SRBD1: variants seen among roughly 807,000 people sequenced by gnomAD.
The protein encoded by SRBD1 is S1 RNA binding domain 1, also known as S1 RNA-binding domain-containing protein 1.
Under a neutral mutation model 115.3 loss-of-function variants are expected in SRBD1, and 88 were observed. The ratio of observed to expected loss-of-function variants is 0.76; its 90% CI spans 0.64 to 0.91. The LOEUF is 0.91. Ranked by LOEUF, SRBD1 falls within the 40% of genes least tolerant of loss-of-function variation. The pLI, the probability that SRBD1 is intolerant of heterozygous loss-of-function variation, is 0.00. For missense variants in SRBD1, 1,385 were observed against 1,177.4 expected (o/e 1.18, Z -2.58); for synonymous variants, 509 against 407.7 (o/e 1.25, Z -2.99).
chr2:45,608,412 A>C (rs1674339694), intron 1 of SRBD1, among the ~76,000 whole-genome samples: 2 of 152,238 alleles, frequency 1.3e-5, no homozygotes, highest in South Asian at 4.1e-4. Context: ...TTATGTCTTT[A>C]AAACTACCTA....
chr2:45,531,100 A>G (rs1455607000), intron 14 of SRBD1, among the ~76,000 whole-genome samples: 1 of 151,844 alleles, frequency 6.6e-6, no homozygotes, highest in Non-Finnish European at 1.5e-5. Context: ...CTCATTCTAT[A>G]CTGATGGTTA....
At chr2:45,477,891 C>T (rs1448703915) in intron 15 of SRBD1, among the ~76,000 whole-genome samples, 1 of 152,044 alleles carries the variant, frequency 6.6e-6, no homozygotes, top group Non-Finnish European at 1.5e-5. Flanking sequence ...ACAATCCATG[C>T]TCAAGAAACT....
At chr2:45,421,280 G>T (rs59089771) in intron 16 of SRBD1, among the ~76,000 whole-genome samples, 7,173 of 151,906 alleles carry the variant, frequency 0.047, 571 homozygotes, top group African/African-American at 0.16. Flanking sequence ...GGCCGAGGTG[G>T]GCGGATCACG....
intron 16 of SRBD1, among the ~76,000 whole-genome samples, chr2:45,465,428 G>C (rs1367920257): frequency 1.3e-5 from 2 of 151,758 alleles, no homozygotes; most frequent in African/African-American, 4.8e-5. Context: ...ATATATAAAT[G>C]CACACACAGA....
At chr2:45,514,141 A>C (rs998731344) in intron 14 of SRBD1, among the ~76,000 whole-genome samples, 4 of 152,198 alleles carry the variant, frequency 2.6e-5, no homozygotes, top group Admixed American at 6.5e-5. Context: ...ATGGGATATG[A>C]TTACGAAAAG....
intron 10 of SRBD1, among the ~76,000 whole-genome samples, chr2:45,557,307 G>A (rs560283330): frequency 6.6e-6 from 1 of 152,314 alleles, no homozygotes; most frequent in Admixed American, 6.5e-5. Flanking sequence ...TTAGAGGTAG[G>A]AAGACCCTAA....
rs1674238272 is a variant in SRBD1 at position 45,605,459 on chromosome 2, T to C, written c.1-18A>G. On this transcript the variant is annotated intron_variant, in intron 1 of 20. Transcript: ENST00000263736. The stretch of plus-strand genomic sequence containing the variant: ...GATGACATCTAGAAGAAACAGAAAA[T>C]AAAATCAGCAACACTTGAATATTCT... 1.2e-6 allele frequency: 2 copies of C among 1,607,544 alleles called. No individual in the cohort carries two copies. The highest frequency in any genetic ancestry group is 1.3e-5 in the African/African-American group (1 of 74,780).
chr2:45,485,003 C>A (rs1670074834), intron 15 of SRBD1, among the ~76,000 whole-genome samples: 1 of 152,104 alleles, frequency 6.6e-6, no homozygotes, highest in South Asian at 2.1e-4. Flanking sequence ...TGAGTTGTTT[C>A]CAACTTTTAG....
At chr2:45,448,107 G>C (rs1043183434) in intron 16 of SRBD1, 2 of 152,080 alleles carry the variant, frequency 1.3e-5, no homozygotes, top group Admixed American at 6.6e-5. Context: ...ACTGGTTAAA[G>C]ACTTCCAGAG....
intron 19 of SRBD1, among the ~76,000 whole-genome samples, chr2:45,410,639 T>C (rs1252260261): frequency 6.6e-6 from 1 of 152,186 alleles, no homozygotes; most frequent in Non-Finnish European, 1.5e-5. Flanking sequence ...GGATAGGGGA[T>C]GGTCACCAGA....
intron 15 of SRBD1, among the ~76,000 whole-genome samples, chr2:45,482,111 T>C (rs1669984217): frequency 6.6e-6 from 1 of 152,170 alleles, no homozygotes; most frequent in South Asian, 2.1e-4. Context: ...TTTTATGTTA[T>C]GTAAATTATA....
chr2:45,533,640 G>C (rs548178655), intron 14 of SRBD1, among the ~76,000 whole-genome samples: 2 of 152,038 alleles, frequency 1.3e-5, no homozygotes, highest in South Asian at 2.1e-4. Context: ...ATCTAGGAGT[G>C]TAAAACTGTA....
chr2:45,486,465 C>T (rs1416577530), intron 15 of SRBD1, among the ~76,000 whole-genome samples: 2 of 152,040 alleles, frequency 1.3e-5, no homozygotes, highest in Non-Finnish European at 2.9e-5. Flanking sequence ...CGGTGGCTCA[C>T]GCCTGTAATC....
chr2:45,458,156 A>G (rs1348439211), intron 16 of SRBD1, among the ~76,000 whole-genome samples: 3 of 152,100 alleles, frequency 2.0e-5, no homozygotes, highest in Admixed American at 6.6e-5. Context: ...AAAATAAAAA[A>G]TTTTGGCACT....
At chr2:45,491,068 C>A (rs543481732) in intron 14 of SRBD1, among the ~76,000 whole-genome samples, 1 of 152,188 alleles carries the variant, frequency 6.6e-6, no homozygotes. Context: ...TGAAACAAAT[C>A]AAACTGGGAG....
intron 14 of SRBD1, among the ~76,000 whole-genome samples, chr2:45,509,367 C>A (rs527429060): frequency 6.6e-6 from 1 of 152,084 alleles, no homozygotes; most frequent in South Asian, 2.1e-4. Context: ...GAGGCCGAGG[C>A]GGGCGGATCA....
intron 4 of SRBD1, among the ~76,000 whole-genome samples, chr2:45,586,689 C>A (rs72618610): frequency 0.043 from 6,475 of 151,448 alleles, 221 homozygotes; most frequent in East Asian, 0.13. Flanking sequence ...GGACTACAAG[C>A]CACGCCATCA....
Position 45,551,361 on chromosome 2 carries a change from A to G in SRBD1, c.1518-79T>C. 3 of 1,350,102 alleles carry G rather than the reference A, an allele frequency of 2.2e-6. No homozygotes were observed. The South Asian group carries it at 4.1e-5, about 19-fold the overall frequency. 83.6% of individuals were successfully genotyped at this position (1,350,102 alleles called of 1,614,324 possible). A position where few individuals can be genotyped will look rare whatever the true frequency, so the allele number is the denominator to read the frequency against. The stretch of plus-strand genomic sequence containing the variant: ...AGAAAAGGAGCAGAATTCATTTTGT[A>G]CAATTATTTCTCAAAGGATAATTTA... On this transcript the variant is annotated intron_variant, in intron 11 of 20. Transcript: ENST00000263736.
chr2:45,506,903 G>T (rs1002951146), intron 14 of SRBD1, among the ~76,000 whole-genome samples: 4 of 152,126 alleles, frequency 2.6e-5, no homozygotes, highest in African/African-American at 9.7e-5. Flanking sequence ...ATTTTGATAT[G>T]ATTTCCATGT....
Sources: allele counts gnomAD v4.1 joint callset (sites outside exome capture counted in the v4.1 genomes callset), GRCh38; gene constraint gnomAD v4.1.1; transcripts MANE v1.5; gene names NCBI Gene and HGNC (gene_info 2026-07-23, HGNC 2026-07-21).